Variants in UACA observed in about 807,000 individuals in gnomAD.
UACA encodes the protein uveal autoantigen with coiled-coil domains and ankyrin repeats, also known as nuclear membrane binding protein.
Under a neutral mutation model 160.5 loss-of-function variants are expected in UACA, and 112 were observed. That is an observed-to-expected ratio of 0.70 (90% CI 0.60 to 0.82). The LOEUF (loss-of-function observed/expected upper bound fraction) is 0.82. UACA is among the 40% of genes least tolerant of loss of function. The pLI is 0.00. For synonymous variants in UACA, 557 were observed against 568.4 expected (o/e 0.98, Z 0.29); for missense variants, 1,574 against 1,614.6 (o/e 0.97, Z 0.43).
At chr15:70,663,969 T>A (rs62016908) in intron 17 of UACA, among the ~76,000 whole-genome samples, 2 of 152,010 alleles carry the variant, frequency 1.3e-5, no homozygotes, top group African/African-American at 4.8e-5. Flanking sequence ...TGTATACATA[T>A]GTAACAAACC....
intron 13 of UACA, among the ~76,000 whole-genome samples, chr15:70,675,845 A>G (rs915188601): frequency 6.6e-6 from 1 of 152,224 alleles, no homozygotes; most frequent in African/African-American, 2.4e-5. Flanking sequence ...CGAGGGCTTC[A>G]CTTAGGCTCC....
At chr15:70,775,734 G>C in the UACA span, among the ~76,000 whole-genome samples, 7 of 152,154 alleles carry the variant, frequency 4.6e-5, no homozygotes, top group Admixed American at 6.5e-5. Context: ...CACTTCCTGT[G>C]TTTCAACATG....
At chr15:70,777,385 T>C in the UACA span, among the ~76,000 whole-genome samples, 23,341 of 151,974 alleles carry the variant, frequency 0.15, 2,392 homozygotes, top group African/African-American at 0.29. Flanking sequence ...GAGAGATAAA[T>C]GTGGGAGTCA....
intron 18 of UACA, 122 bp from the exon 19 acceptor site, chr15:70,657,249 C>G (rs929983190): frequency 1.3e-6 from 1 of 756,740 alleles, no homozygotes. Context: ...AAATCCTCAT[C>G]ATTGTGATTT....
At chr15:70,713,252 G>T (rs1898737452) in intron 1 of UACA, among the ~76,000 whole-genome samples, 1 of 152,210 alleles carries the variant, frequency 6.6e-6, no homozygotes, top group African/African-American at 2.4e-5. Context: ...TCGGGAGGCT[G>T]AGGCAGAATG....
chr15:70,663,729 T>C (rs919340265), intron 17 of UACA, among the ~76,000 whole-genome samples: 2 of 151,998 alleles, frequency 1.3e-5, no homozygotes, highest in Admixed American at 1.3e-4. Flanking sequence ...GGGACATGGA[T>C]GAAGCTGGAA....
chr15:70,771,610 AAG>A, the UACA span, among the ~76,000 whole-genome samples: 1 of 152,258 alleles, frequency 6.6e-6, no homozygotes, highest in African/African-American at 2.4e-5. Context: ...GTAAGCGACC[AAG>A]ATCAATTCAG....
chr15:70,721,391 C>T (rs1346754294), intron 1 of UACA, among the ~76,000 whole-genome samples: 1 of 152,076 alleles, frequency 6.6e-6, no homozygotes, highest in African/African-American at 2.4e-5. Flanking sequence ...TCTGGGAGGC[C>T]GAGGTGGGCG....
At chr15:70,739,463 G>T (rs1899464408) in intron 1 of UACA, among the ~76,000 whole-genome samples, 1 of 151,990 alleles carries the variant, frequency 6.6e-6, no homozygotes. Context: ...ATAAAGGGAT[G>T]AATAAAGGGA....
intron 3 of UACA, 51 bp from the exon 4 acceptor site, chr15:70,691,414 T>C: frequency 2.2e-6 from 3 of 1,336,032 alleles, no homozygotes; most frequent in Non-Finnish European, 1.1e-6. Context: ...CATATGTAAA[T>C]TGAGGATTTT....
intron 1 of UACA, among the ~76,000 whole-genome samples, chr15:70,727,320 A>G (rs1486669437): frequency 6.6e-6 from 1 of 152,196 alleles, no homozygotes; most frequent in East Asian, 1.9e-4. Flanking sequence ...AAAAATCACA[A>G]AAATATTATT....
At chr15:70,753,875 G>A (rs1595925711) in intron 1 of UACA, among the ~76,000 whole-genome samples, 2 of 152,092 alleles carry the variant, frequency 1.3e-5, no homozygotes, top group South Asian at 2.1e-4. Context: ...GCGCGATCTC[G>A]GCTCAATGCA....
chr15:70,769,473 A>C, the UACA span, among the ~76,000 whole-genome samples: 1 of 151,686 alleles, frequency 6.6e-6, no homozygotes, highest in African/African-American at 2.4e-5. Context: ...CATTGGTTTC[A>C]GTTATGGGAA....
chr15:70,685,798 T>C (rs1229302734), intron 7 of UACA, among the ~76,000 whole-genome samples: 1 of 152,152 alleles, frequency 6.6e-6, no homozygotes, highest in Non-Finnish European at 1.5e-5. Context: ...TTTTTTTTTT[T>C]TGAGACAAGA....
Position 70,724,541 on chromosome 15 carries a change from T to C in UACA, c.79-24881A>G, listed in dbSNP as rs1182708014. 4.6e-5 allele frequency among the ~76,000 whole-genome samples: 7 copies of C among 152,272 alleles called. No individual in the cohort carries two copies. In the East Asian group the frequency reaches 1.4e-3, roughly 29 times the overall value. On this transcript the variant is annotated intron_variant, in intron 1 of 18. Coordinates refer to ENST00000322954, the MANE Select transcript of UACA (RefSeq NM_018003.4). The stretch of plus-strand genomic sequence containing the variant: ...TGAAAATGTGTCTGAAAATGGAGTG[T>C]TTTTAACTGTACTACACAGTTTTAC...
chr15:70,698,670 T>C (rs1898219519), intron 2 of UACA, among the ~76,000 whole-genome samples: 1 of 152,216 alleles, frequency 6.6e-6, no homozygotes, highest in Admixed American at 6.5e-5. Context: ...ATATTTAGTA[T>C]CTGGTTTCCA....
At chr15:70,744,343 C>T (rs1322670468) in intron 1 of UACA, among the ~76,000 whole-genome samples, 1 of 151,710 alleles carries the variant, frequency 6.6e-6, no homozygotes, top group African/African-American at 2.4e-5. Context: ...CAGCTGACTG[C>T]CTTTGGTATA....
intron 1 of UACA, among the ~76,000 whole-genome samples, chr15:70,739,469 A>G (rs1438891447): frequency 1.3e-5 from 2 of 151,228 alleles, no homozygotes; most frequent in African/African-American, 4.9e-5. Flanking sequence ...GGATGAATAA[A>G]GGGATGAATT....
upstream of UACA, among the ~76,000 whole-genome samples, chr15:70,765,792 C>T (rs1039513737): frequency 2.0e-5 from 3 of 152,220 alleles, no homozygotes; most frequent in Non-Finnish European, 4.4e-5. Flanking sequence ...TGGTCCTGCT[C>T]AAATATTTGT....
Sources: gnomAD v4.1 joint callset for allele counts (sites outside exome capture counted in the v4.1 genomes callset) on GRCh38, gnomAD v4.1.1 for gene constraint, MANE v1.5 for transcripts, NCBI Gene and HGNC (gene_info 2026-07-23, HGNC 2026-07-21) for gene names.